Variants in MYL5 observed in about 807,000 individuals in gnomAD.
MYL5 encodes the protein myosin light chain 5, also known as myosin regulatory light chain 5.
Under a neutral mutation model 20.8 loss-of-function variants are expected in MYL5, and 28 were observed. That is an observed-to-expected ratio of 1.35 (90% CI 1.00 to 1.84). The LOEUF (loss-of-function observed/expected upper bound fraction) is 1.84. MYL5 is among the 40% of genes most tolerant of loss of function. The probability of loss-of-function intolerance (pLI) is 0.00; values close to 1 mark genes in which losing one functional copy is unlikely to be tolerated. For synonymous variants in MYL5, 118 were observed against 87.4 expected (o/e 1.35, Z -1.95); for missense variants, 274 against 227.3 (o/e 1.21, Z -1.32).
rs752115083 is a variant in MYL5, at chr4:680,514, G to C, written c.298G>C (p.Asp100His). 39 of 1,613,138 alleles carry C rather than the reference G, an allele frequency of 2.4e-5. No homozygotes were observed. Among genetic ancestry groups the C allele is most frequent in the Non-Finnish European group, 3.3e-5 (39 of 1,179,912 alleles). ...TGAAGGTGCCTTTGTGGCAGGTACC[G>C]ACGCCGAGGAGACCATTCTTAACGC... Residue 100 changes from aspartate to histidine, a missense_variant, in exon 5 of 7, where the codon GAC becomes CAC. By Grantham distance (81) the Asp-to-His change is moderately conservative. Coordinates refer to ENST00000400159, the Ensembl canonical transcript of MYL5.
At chr4:675,218 G>GC (rs1738748663), upstream of MYL5, 1 of 152,394 alleles carries the variant, frequency 6.6e-6, no homozygotes. Flanking sequence ...TCCCCGCTGT[G>GC]CCCGAAGTGC....
intron 4 of MYL5, 144 bp downstream of exon 6, chr4:680,162 C>T (rs1739308402): frequency 2.5e-6 from 2 of 791,532 alleles, no homozygotes; most frequent in East Asian, 5.5e-5. Flanking sequence ...CTGTGGGGCC[C>T]CGTCAGCCAC....
chr4:676,091 C>T (rs1267436103), upstream of MYL5: 3 of 152,244 alleles, frequency 2.0e-5, no homozygotes, highest in African/African-American at 7.2e-5. Flanking sequence ...AAGCAAACTC[C>T]AGCCCTCCCC....
Position 678,195 on chromosome 4 carries a change from C to T in MYL5, c.3+166C>T, listed in dbSNP as rs1343215345. ...GTGTGTGCATGAGCGTGTGTATGTGCGTGTGTGTGACCTTGCGGGTGTGGG... is the reference window on the plus strand; with the variant it reads ...GTGTGTGCATGAGCGTGTGTATGTGTGTGTGTGTGACCTTGCGGGTGTGGG... On this transcript the variant is annotated intron_variant, in intron 1 of 6. Transcript: ENST00000400159. 14 of 1,522,846 alleles carry T rather than the reference C, an allele frequency of 9.2e-6. No individual in the cohort carries two copies. The East Asian group carries it at 9.9e-5, about 11-fold the overall frequency. The allele number at this position is 1,522,846 out of a possible 1,614,324, so 94.3% of individuals were successfully genotyped here.
At chr4:681,238 G>T in intron 6 of MYL5, 98 bp downstream of exon 8, 1 of 1,438,294 alleles carries the variant, frequency 7.0e-7, no homozygotes, top group Non-Finnish European at 9.5e-7. Flanking sequence ...GAGCAGCGCC[G>T]CGGTTAGGAC....
exon 2 of MYL5, chr4:678,754 G>C (rs771869999): frequency 6.8e-6 from 11 of 1,610,378 alleles, no homozygotes; most frequent in Non-Finnish European, 9.3e-6. Context: ...TCAGATCCAG[G>C]AGTTCAAGGA....
rs559746381 is a variant in MYL5 at position 682,007 on chromosome 4, T to A, written c.*13T>A. 4 of 1,419,974 alleles carry A rather than the reference T, an allele frequency of 2.8e-6. No individual in the cohort carries two copies. The African/African-American group carries it at 5.9e-5, about 21-fold the overall frequency. The allele number at this position is 1,419,974 out of a possible 1,614,324, so 88.0% of individuals were successfully genotyped here. A position where few individuals can be genotyped will look rare whatever the true frequency, so the allele number is the denominator to read the frequency against. On this transcript the variant is annotated 3_prime_UTR_variant, in exon 7 of 7. Transcript: ENST00000400159. ...GAAGGAGGAGTGAGACCCAGCCGGG[T>A]CAATAAACCTGGACGCTTGGACCCT...
At chr4:675,307 G>A (rs1355905228), upstream of MYL5, 1 of 152,488 alleles carries the variant, frequency 6.6e-6, no homozygotes, top group African/African-American at 2.4e-5. Context: ...GGGTCTTCCT[G>A]GCGGCAGCCA....
chr4:677,898 G>A, upstream of MYL5: 5 of 1,520,320 alleles, frequency 3.3e-6, no homozygotes, highest in Non-Finnish European at 4.6e-6. Context: ...GTCCCCTGGG[G>A]TAGCCCCAAG....
chr4:680,747 G>A (rs1739386482), intron 5 of MYL5, 160 bp downstream of exon 7: 2 of 760,270 alleles, frequency 2.6e-6, no homozygotes, highest in Non-Finnish European at 4.2e-6. Context: ...CAGCTGAGTG[G>A]GAGGCCAGCC....
intron 3 of MYL5, among the ~76,000 whole-genome samples, chr4:679,534 G>A (rs1553822313): frequency 6.6e-6 from 1 of 152,206 alleles, no homozygotes; most frequent in Non-Finnish European, 1.5e-5. Context: ...CCTCTGACCT[G>A]AGGCAGGAGG....
intron 5 of MYL5, 35 bp downstream of exon 7, chr4:680,622 CG>C (rs760681956): frequency 4.4e-6 from 7 of 1,600,660 alleles, no homozygotes; most frequent in Non-Finnish European, 6.0e-6. Context: ...GCCCGGCTTC[CG>C]GGGAACCCCA....
chr4:678,204 GACCT>G, intron 1 of MYL5, 175 bp downstream of exon 3: 1 of 1,515,936 alleles, frequency 6.6e-7, no homozygotes, highest in Admixed American at 2.0e-5. Context: ...GCGTGTGTGT[GACCT>G]TGCGGGTGTG....
At position 678,670 on chromosome 4, in the gene MYL5, A is replaced by G. The variant is rs199844275; in HGVS notation, c.16A>G (p.Thr6Ala). 134 of 1,609,058 alleles carry G rather than the reference A, an allele frequency of 8.3e-5. No individual in the cohort carries two copies. Among genetic ancestry groups the G allele is most frequent in the Non-Finnish European group, 9.8e-5 (116 of 1,178,260 alleles). ...GCTCCCACCGCAGGCCAGCAGGAAG[A>G]CCAAGAAGAAGGAAGGGGGTGCCCT... Residue 6 changes from threonine (T) to alanine (A), a missense_variant, in exon 2 of 7, where the codon ACC (threonine) becomes GCC (alanine). Thr to Ala is a moderately conservative substitution (Grantham distance 58, BLOSUM62 0). Coordinates refer to ENST00000400159, the Ensembl canonical transcript of MYL5.
Position 679,010 on chromosome 4 carries a change from T to C in MYL5, c.164T>C (p.Leu55Pro), listed in dbSNP as rs934218056. 8.1e-6 allele frequency: 13 copies of C among 1,613,620 alleles called. No individual in the cohort carries two copies. In the African/African-American group the frequency reaches 1.7e-4, roughly 22 times the overall value. The change falls in exon 3 of 7, where the codon CTG (leucine) becomes CCG (proline). Residue 55 changes from leucine to proline, a missense_variant. Transcript: ENST00000400159. ...GATGGCTTCATTGACAAGGAGGACC[T>C]GAAGGACACCTATGCCTCCCTGGGT... is the stretch of plus-strand genomic sequence containing the variant.
At chr4:678,502 G>C (rs1739084548) in intron 1 of MYL5, 156 bp from the exon 4 acceptor site, 3 of 1,443,128 alleles carry the variant, frequency 2.1e-6, no homozygotes, top group Non-Finnish European at 2.7e-6. Flanking sequence ...CAGCTACCCA[G>C]GCCTGAGGCT....
At chr4:680,153 T>C in intron 4 of MYL5, 135 bp downstream of exon 6, 1 of 908,922 alleles carries the variant, frequency 1.1e-6, no homozygotes. Flanking sequence ...AGCCAACAAC[T>C]GTGGGGCCCC....
chr4:676,436 C>T (rs1738847465), upstream of MYL5: 2 of 152,252 alleles, frequency 1.3e-5, no homozygotes, highest in Non-Finnish European at 2.9e-5. Context: ...GGAGACTTGC[C>T]TTTGCTCAAG....
chr4:678,969 C>T (rs1439145636), exon 3 of MYL5: 1 of 1,613,804 alleles, frequency 6.2e-7, no homozygotes, highest in Non-Finnish European at 8.5e-7. Context: ...CATTCACACT[C>T]ATGGATCAGA....
Sources: gnomAD v4.1 joint callset for allele counts (sites outside exome capture counted in the v4.1 genomes callset) on GRCh38, gnomAD v4.1.1 for gene constraint, MANE v1.5 for transcripts, NCBI Gene and HGNC (gene_info 2026-07-23, HGNC 2026-07-21) for gene names.